The following EIF2AK1 variants were observed in gnomAD, a reference collection of about 807,000 sequenced individuals.
EIF2AK1 encodes eukaryotic translation initiation factor 2-alpha kinase 1.
Under a neutral mutation model 77.9 loss-of-function variants are expected in EIF2AK1, and 54 were observed. The ratio of observed to expected loss-of-function variants is 0.69; its 90% CI spans 0.56 to 0.87. The LOEUF is 0.87. EIF2AK1 is among the 40% of genes least tolerant of loss of function. EIF2AK1 has a pLI of 0.00. For missense variants in EIF2AK1, 810 were observed against 768.6 expected (o/e 1.05, Z -0.64); for synonymous variants, 314 against 290.5 (o/e 1.08, Z -0.82).
In EIF2AK1 at chr7:6,033,201, T is replaced by A. The variant is rs1258398933; in HGVS notation, c.1333-4169A>T. ...CCAGGCTGGTCTTGAACTCCTGGCC[T>A]CAAGTGATCCACCTGCCTCGGCCTC... On this transcript the variant is annotated intron_variant, in intron 11 of 14. Coordinates refer to ENST00000199389, the MANE Select transcript of EIF2AK1 (RefSeq NM_014413.4). This position sits in a 1 kb window ranked among gnomAD's most constrained non-coding sequence, Gnocchi z 4.4. Among the ~76,000 whole-genome samples the A allele has an allele frequency of 6.6e-6, 1 of 152,174 alleles. No individual in the cohort carries two copies. The highest frequency in any genetic ancestry group is 1.5e-5 in the Non-Finnish European group (1 of 68,018).
At chr7:6,052,766 G>C (rs1480201538) in intron 2 of EIF2AK1, among the ~76,000 whole-genome samples, 1 of 151,488 alleles carries the variant, frequency 6.6e-6, no homozygotes, top group African/African-American at 2.4e-5. Flanking sequence ...AGGAGTTCGA[G>C]ACCAGCCTGA....
intron 6 of EIF2AK1, among the ~76,000 whole-genome samples, chr7:6,045,022 A>C (rs1158931953): frequency 6.6e-6 from 1 of 152,184 alleles, no homozygotes. Flanking sequence ...TGGGTTTATC[A>C]GGACATAATC....
At chr7:6,042,799 G>A in intron 8 of EIF2AK1, 134 bp downstream of exon 8, 2 of 644,814 alleles carry the variant, frequency 3.1e-6, no homozygotes, top group Non-Finnish European at 5.4e-6. Context: ...ACAGGAGGCG[G>A]AGGTTGCAGT....
At position 6,023,834 on chromosome 7, in the gene EIF2AK1, A is replaced by G; in HGVS notation, c.*839T>C. 6.4e-7 allele frequency: 1 copy of G among 1,555,066 alleles called. No homozygotes were observed. Among genetic ancestry groups the G allele is most frequent in the Non-Finnish European group, 8.7e-7 (1 of 1,148,946 alleles). The stretch of plus-strand genomic sequence containing the variant: ...TGTCAATAAAAGCATCATGTAATTT[A>G]TGGTTTTCATTTTATTTAAAATTCA... On this transcript the variant is annotated 3_prime_UTR_variant, in exon 15 of 15. Coordinates refer to ENST00000199389, the MANE Select transcript of EIF2AK1 (RefSeq NM_014413.4).
chr7:6,034,384 C>G (rs1788011840), intron 11 of EIF2AK1, among the ~76,000 whole-genome samples: 1 of 152,098 alleles, frequency 6.6e-6, no homozygotes, highest in Non-Finnish European at 1.5e-5. Context: ...CTGTCTTGCT[C>G]CCAGCCTCTC....
rs1253958384 is a variant in EIF2AK1 at position 6,032,588 on chromosome 7, T to C, written c.1333-3556A>G. 6.6e-6 allele frequency among the ~76,000 whole-genome samples: 1 copy of C among 152,238 alleles called. No homozygotes were observed. The highest frequency in any genetic ancestry group is 1.9e-4 in the East Asian group (1 of 5,204). On this transcript the variant is annotated intron_variant, in intron 11 of 14. Coordinates refer to ENST00000199389, the MANE Select transcript of EIF2AK1 (RefSeq NM_014413.4). This position sits in a 1 kb window ranked among gnomAD's most constrained non-coding sequence, Gnocchi z 4.3. ...ATCAACTTTCAAAAATTTCCAAAGC[T>C]TTTGAGTGTTATTTCTGTTGCCTCA...
chr7:6,022,448 A>C lies in EIF2AK1; in HGVS notation c.*2225T>G, dbSNP rs1787494862. On this transcript the variant is annotated 3_prime_UTR_variant, in exon 15 of 15. Transcript: ENST00000199389. ...GGGGGTCAGTGTCCCTAACCCCCCCACTGTTCAAGGGTTAGCTGTACTATA... is the reference window on the plus strand; with the variant it reads ...GGGGGTCAGTGTCCCTAACCCCCCCCCTGTTCAAGGGTTAGCTGTACTATA... The C allele has an allele frequency of 6.6e-6, 1 of 152,102 alleles. No individual in the cohort carries two copies. The allele number at this position is 152,102 out of a possible 1,614,324, so 9.4% of individuals were successfully genotyped here.
At chr7:6,029,673 C>G (rs906442879) in intron 11 of EIF2AK1, among the ~76,000 whole-genome samples, 5 of 152,174 alleles carry the variant, frequency 3.3e-5, no homozygotes, top group Admixed American at 3.3e-4. Flanking sequence ...CATCATTACC[C>G]AAGAAGCTCT....
chr7:6,026,547 G>A (rs1263943266), intron 14 of EIF2AK1, 181 bp downstream of exon 14: 2 of 711,362 alleles, frequency 2.8e-6, no homozygotes, highest in South Asian at 3.0e-5. Flanking sequence ...AGTGAGTCCT[G>A]CCAGCACACC....
chr7:6,030,230 G>A (rs1219935568), intron 11 of EIF2AK1, among the ~76,000 whole-genome samples: 1 of 152,170 alleles, frequency 6.6e-6, no homozygotes, highest in East Asian at 1.9e-4. Flanking sequence ...AAGCGGGAAA[G>A]GGACCAGGGT....
At chr7:6,040,806 A>C in intron 9 of EIF2AK1, 86 bp downstream of exon 9, 1 of 1,130,736 alleles carries the variant, frequency 8.8e-7, no homozygotes, top group Non-Finnish European at 1.3e-6. Context: ...CAGAAGCGCC[A>C]GAGCTGAGAG....
At position 6,041,062 on chromosome 7, in the gene EIF2AK1, C is replaced by T. The variant is rs1421763287; in HGVS notation, c.949G>A (p.Gly317Ser). 1.2e-6 allele frequency: 2 copies of T among 1,614,082 alleles called. No homozygotes were observed. The highest frequency in any genetic ancestry group is 1.7e-6 in the Non-Finnish European group (2 of 1,180,018). The change falls in exon 9 of 15, where the codon GGT (glycine) becomes AGT (serine). Residue 317 changes from glycine (G) to serine (S), a missense_variant. Around this residue, in one of 3 missense-constraint regions of EIF2AK1, gnomAD observed 549 missense variants for 533.7 expected, o/e 1.03. Transcript: ENST00000199389. The part of the protein sequence containing the change: ...YTTNLVIRES[G>S]ELESTLELQE... ...AGCTCCAGGGTCGACTCAAGTTCAC[C>T]AGATTCTCTTATGACTAAATTGGTG...
Position 6,035,508 on chromosome 7 carries a change from T to TG in EIF2AK1, c.1332+1915dup, listed in dbSNP as rs1562746089. 3.9e-6 allele frequency: 6 copies of TG among 1,551,132 alleles called. No individual in the cohort carries two copies. The highest frequency in any genetic ancestry group is 1.2e-5 in the South Asian group (1 of 84,056). ...GCACTGGCCAGTCACTTCCACCACG[T>TG]GGGCAAAACCAGGCAACAGAACGCA... is the stretch of plus-strand genomic sequence containing the variant. On this transcript the variant is annotated intron_variant, in intron 11 of 14. Transcript: ENST00000199389. The surrounding 1 kb of genome is among the most constrained non-coding windows in gnomAD (Gnocchi z 5.5).
In EIF2AK1 at chr7:6,028,996, C is replaced by G; in HGVS notation, c.1369G>C (p.Val457Leu). The G allele has an allele frequency of 6.2e-7, 1 of 1,613,022 alleles. No homozygotes were observed. Among genetic ancestry groups the G allele is most frequent in the Non-Finnish European group, 8.5e-7 (1 of 1,179,806 alleles). Reference protein sequence around the residue: ...NIFLHGPDQQVKIGDFGLACT... With the variant: ...NIFLHGPDQQLKIGDFGLACT... ...GCCAGACCAAAGTCTCCTATTTTTA[C>G]TTGCTGATCAGGGCCATGAAGAAAA... is the stretch of plus-strand genomic sequence containing the variant. Residue 457 changes from valine (V) to leucine (L), a missense_variant, in exon 12 of 15, where the codon GTA (valine) becomes CTA (leucine). Coordinates refer to ENST00000199389, the MANE Select transcript of EIF2AK1 (RefSeq NM_014413.4).
At chr7:6,026,538 G>A (rs1442825847) in intron 14 of EIF2AK1, 190 bp downstream of exon 14, 1 of 708,144 alleles carries the variant, frequency 1.4e-6, no homozygotes, top group Admixed American at 2.0e-5. Context: ...CCCAAGGGGA[G>A]TGAGTCCTGC....
intron 1 of EIF2AK1, among the ~76,000 whole-genome samples, chr7:6,056,292 C>CAAAAA (rs71008352): frequency 1.8e-5 from 1 of 55,810 alleles, no homozygotes; most frequent in Non-Finnish European, 3.0e-5. Flanking sequence ...GACTCAGTCT[C>CAAAAA]AAAAAAAAAA....
chr7:6,035,872 G>A lies in EIF2AK1; in HGVS notation c.1332+1552C>T, dbSNP rs1788065572. ...AAGCTTGCAGTGTGCACTGCATCAA[G>A]CAAAGCAGGCCGACTCCTCGGGGCG... On this transcript the variant is annotated intron_variant, in intron 11 of 14. Coordinates refer to ENST00000199389, the MANE Select transcript of EIF2AK1 (RefSeq NM_014413.4). The surrounding 1 kb of genome is among the most constrained non-coding windows in gnomAD (Gnocchi z 5.5). 1 of 1,547,266 alleles carries A rather than the reference G, an allele frequency of 6.5e-7. No individual in the cohort carries two copies. Among genetic ancestry groups the A allele is most frequent in the African/African-American group, 1.4e-5 (1 of 72,920 alleles).
intron 1 of EIF2AK1, among the ~76,000 whole-genome samples, chr7:6,057,178 G>A (rs1026709539): frequency 7.0e-6 from 1 of 141,888 alleles, no homozygotes; most frequent in East Asian, 2.0e-4. Flanking sequence ...TGTTGCCCAG[G>A]CTGGAGTGCA....
At chr7:6,051,353 C>A (rs1377038267) in intron 2 of EIF2AK1, among the ~76,000 whole-genome samples, 4 of 150,922 alleles carry the variant, frequency 2.7e-5, no homozygotes, top group African/African-American at 9.7e-5. Flanking sequence ...CTCACTGCAA[C>A]CTCCATCTCC....
Sources: allele counts gnomAD v4.1 joint callset (sites outside exome capture counted in the v4.1 genomes callset), GRCh38; gene constraint gnomAD v4.1.1; regional missense constraint gnomAD v4.1.1; non-coding constraint Gnocchi (gnomAD v3.1); transcripts MANE v1.5; gene names NCBI Gene and HGNC (gene_info 2026-07-23, HGNC 2026-07-21).